The following PMS1 variants were observed in gnomAD, a reference collection of about 807,000 sequenced individuals.
PMS1 encodes the protein PMS1 homolog 1, mismatch repair system component.
In PMS1, 79 loss-of-function variants were observed where a neutral mutation model predicts 93.1. That is an observed-to-expected ratio of 0.85 (90% confidence interval 0.71 to 1.02). The LOEUF (loss-of-function observed/expected upper bound fraction) is 1.02, where lower values mean the gene tolerates loss of function less well. Among genes scored for constraint, PMS1 ranks in the 50% least tolerant of loss-of-function variants. The pLI is 0.00. For synonymous variants in PMS1, 335 were observed against 363.4 expected (o/e 0.92, Z 0.89); for missense variants, 1,064 against 1,085.3 (o/e 0.98, Z 0.28).
intron 5 of PMS1, among the ~76,000 whole-genome samples, chr2:189,828,729 C>A (rs1199034857): frequency 6.6e-6 from 1 of 152,074 alleles, no homozygotes; most frequent in Non-Finnish European, 1.5e-5. Context: ...AAGAAACATG[C>A]CCAAACTTAG....
rs547755721 is a variant in PMS1, at chr2:189,843,260, C to T, written c.583-704C>T. 7.2e-5 allele frequency among the ~76,000 whole-genome samples: 11 copies of T among 152,100 alleles called. No individual in the cohort carries two copies. In the South Asian group the frequency reaches 1.7e-3, roughly 23 times the overall value. ...CTCGAACTCCTGACCTCAAGTGATC[C>T]GCCTGCCTCAGCCTCCCACAGTGCT... is the stretch of plus-strand genomic sequence containing the variant. On this transcript the variant is annotated intron_variant, in intron 5 of 12. Transcript: ENST00000441310.
chr2:189,786,031 A>T (rs963490673), intron 1 of PMS1, among the ~76,000 whole-genome samples: 1 of 152,134 alleles, frequency 6.6e-6, no homozygotes, highest in African/African-American at 2.4e-5. Context: ...GGGCTGGGAC[A>T]GGAGAATTGC....
chr2:189,838,316 A>T (rs1376748422), intron 5 of PMS1, among the ~76,000 whole-genome samples: 1 of 152,064 alleles, frequency 6.6e-6, no homozygotes, highest in Non-Finnish European at 1.5e-5. Context: ...TTTCAACTCT[A>T]CTGGGGTTAC....
chr2:189,860,634 A>C (rs1293238314), intron 9 of PMS1, among the ~76,000 whole-genome samples: 1 of 151,940 alleles, frequency 6.6e-6, no homozygotes, highest in African/African-American at 2.4e-5. Flanking sequence ...CAATCTTTTG[A>C]AAAGTAATGA....
intron 4 of PMS1, among the ~76,000 whole-genome samples, chr2:189,808,231 C>T (rs1322761956): frequency 2.0e-5 from 3 of 152,076 alleles, no homozygotes; most frequent in Non-Finnish European, 2.9e-5. Flanking sequence ...TATAATGATA[C>T]CTGTGGGTGG....
intron 12 of PMS1, among the ~76,000 whole-genome samples, chr2:189,875,264 G>A (rs118051359): frequency 6.6e-6 from 1 of 150,606 alleles, no homozygotes; most frequent in South Asian, 2.1e-4. Flanking sequence ...AATCGTAATG[G>A]CAAAGTACAA....
chr2:189,844,181 A>G, intron 6 of PMS1, 101 bp downstream of exon 6: 2 of 1,576,744 alleles, frequency 1.3e-6, no homozygotes. Context: ...TAGTCTTTTA[A>G]TATTTTAATC....
In PMS1 at chr2:189,795,778, G is replaced by A. The variant is rs2049301792; in HGVS notation, c.142G>A (p.Gly48Arg). Residue 48 changes from glycine (G) to arginine (R), a missense_variant, in exon 3 of 13, where the codon GGA becomes AGA. Transcript: ENST00000441310. ...TSVDVKLENYGFDKIEVRDNG... is the reference protein window; with the variant it reads ...TSVDVKLENYRFDKIEVRDNG... ...TTTTGACATTTTATAGGAGAACTAT[G>A]GATTTGATAAAATTGAGGTGCGAGA... The A allele has an allele frequency of 6.2e-7, 1 of 1,612,950 alleles. No individual in the cohort carries two copies. The highest frequency in any genetic ancestry group is 1.3e-5 in the African/African-American group (1 of 75,004).
At chr2:189,852,523 G>T in intron 6 of PMS1, 132 bp from the exon 7 acceptor site, 2 of 738,560 alleles carry the variant, frequency 2.7e-6, no homozygotes, top group South Asian at 1.7e-5. Context: ...TGATTATCAG[G>T]AAGTATATGG....
At chr2:189,870,285 AAAC>A (rs1475544952) in intron 11 of PMS1, among the ~76,000 whole-genome samples, 1 of 152,204 alleles carries the variant, frequency 6.6e-6, no homozygotes, top group Non-Finnish European at 1.5e-5. Context: ...ATAAGGATAA[AAAC>A]ATTTGAAAGA....
chr2:189,841,471 G>A (rs1455698301), intron 5 of PMS1, among the ~76,000 whole-genome samples: 1 of 152,154 alleles, frequency 6.6e-6, no homozygotes, highest in Non-Finnish European at 1.5e-5. Flanking sequence ...TTTGCAGATG[G>A]CACAGATCAG....
intron 5 of PMS1, among the ~76,000 whole-genome samples, chr2:189,832,600 G>A (rs1484350421): frequency 6.6e-6 from 1 of 152,082 alleles, no homozygotes; most frequent in Non-Finnish European, 1.5e-5. Flanking sequence ...CGGGTAGCTG[G>A]GACTACAGGC....
chr2:189,845,175 G>A (rs1026695393), intron 6 of PMS1, among the ~76,000 whole-genome samples: 1 of 152,126 alleles, frequency 6.6e-6, no homozygotes, highest in Non-Finnish European at 1.5e-5. Flanking sequence ...TTCTTATGTA[G>A]CCATTTTTTA....
At chr2:189,860,043 ATTGT>A (rs1395995887) in intron 9 of PMS1, among the ~76,000 whole-genome samples, 1 of 152,028 alleles carries the variant, frequency 6.6e-6, no homozygotes, top group East Asian at 1.9e-4. Context: ...TCTTTTTCTG[ATTGT>A]TTGTGGCCCC....
chr2:189,846,283 G>A (rs888373377), intron 6 of PMS1, among the ~76,000 whole-genome samples: 10 of 152,066 alleles, frequency 6.6e-5, no homozygotes, highest in Admixed American at 3.9e-4. Flanking sequence ...AAGCCAAGGC[G>A]GGTGGATCAT....
At chr2:189,859,571 G>C (rs1174401573) in intron 9 of PMS1, among the ~76,000 whole-genome samples, 2 of 152,156 alleles carry the variant, frequency 1.3e-5, no homozygotes, top group Non-Finnish European at 2.9e-5. Context: ...CACTTTTTAA[G>C]AAAAGGGGTG....
At chr2:189,859,855 TTC>T (rs1454470420) in intron 9 of PMS1, among the ~76,000 whole-genome samples, 16 of 151,938 alleles carry the variant, frequency 1.1e-4, no homozygotes, top group African/African-American at 3.9e-4. Context: ...ATCACATACT[TTC>T]TGTTTTGTGA....
chr2:189,795,910 T>G lies in PMS1; in HGVS notation c.274T>G (p.Phe92Val). ...TCTTGAAAATTTGACAACTTACGGT[T>G]TTCGTGGAGAAGCCTTGGGGTCAAT... Reference protein sequence around the residue: ...EDLENLTTYGFRGEALGSICC... With the variant: ...EDLENLTTYGVRGEALGSICC... The change falls in exon 3 of 13, where the codon TTT becomes GTT. Residue 92 changes from phenylalanine to valine, a missense_variant. Physicochemically the swap from Phe to Val is conservative, Grantham distance 50. Coordinates refer to ENST00000441310, the MANE Select transcript of PMS1 (RefSeq NM_000534.5). The G allele has an allele frequency of 6.2e-7, 1 of 1,613,734 alleles. No homozygotes were observed. Among genetic ancestry groups the G allele is most frequent in the Non-Finnish European group, 8.5e-7 (1 of 1,179,654 alleles).
intron 6 of PMS1, 135 bp downstream of exon 6, chr2:189,844,215 G>A: frequency 1.4e-6 from 2 of 1,418,206 alleles, no homozygotes; most frequent in Non-Finnish European, 9.5e-7. Context: ...AGGTAAAACA[G>A]TCAATACAGA....
Sources: gnomAD v4.1 joint callset for allele counts (sites outside exome capture counted in the v4.1 genomes callset) on GRCh38, gnomAD v4.1.1 for gene constraint, MANE v1.5 for transcripts, NCBI Gene and HGNC (gene_info 2026-07-23, HGNC 2026-07-21) for gene names.